SHPK: variants seen among roughly 807,000 people sequenced by gnomAD.
The protein encoded by SHPK is carbohydrate kinase-like protein.
SHPK carries 51 observed loss-of-function variants against 46.3 expected under a neutral mutation model. The ratio of observed to expected loss-of-function variants is 1.10; its 90% CI spans 0.88 to 1.39. The LOEUF (loss-of-function observed/expected upper bound fraction) is 1.39. Among genes scored for constraint, SHPK ranks in the 40% most tolerant of loss-of-function variants. The pLI is 0.00. For missense variants in SHPK, 668 were observed against 641.3 expected, an observed-to-expected ratio of 1.04 and a Z score of -0.45; for synonymous variants, 290 against 273.9, an observed-to-expected ratio of 1.06 and a Z score of -0.58.
chr17:3,633,192 G>A (rs1347547803), intron 1 of SHPK, among the ~76,000 whole-genome samples: 3 of 151,590 alleles, frequency 2.0e-5, no homozygotes, highest in South Asian at 2.1e-4. Flanking sequence ...TGTTGGCCAG[G>A]CTGGTCTCGA....
chr17:3,627,019 G>A (rs780907992), intron 2 of SHPK, among the ~76,000 whole-genome samples: 7 of 152,224 alleles, frequency 4.6e-5, no homozygotes, highest in East Asian at 1.9e-4. Flanking sequence ...GTTTTCATCC[G>A]CACAGCTCTA....
intron 2 of SHPK, among the ~76,000 whole-genome samples, chr17:3,628,018 G>A (rs867269942): frequency 6.6e-6 from 1 of 151,838 alleles, no homozygotes. Flanking sequence ...GCCTGCATCA[G>A]CTCCTACGAT....
rs757812433 is a variant in SHPK at position 3,610,545 on chromosome 17, G to GA, written c.*14dup. The GA allele has an allele frequency of 6.3e-6, 10 of 1,582,332 alleles. No homozygotes were observed. The highest frequency in any genetic ancestry group is 4.5e-5 in the East Asian group (2 of 44,242). Reference sequence around the variant, plus strand: ...GTAAAATTCACAGCAGTCGTTTGGCGAAAGAGTTTGCTGTCTAAGATTCCT... The same window carrying GA: ...GTAAAATTCACAGCAGTCGTTTGGCGAAAAGAGTTTGCTGTCTAAGATTCCT... On this transcript the variant is annotated 3_prime_UTR_variant, in exon 7 of 7. Transcript: ENST00000225519.
At position 3,623,470 on chromosome 17, in the gene SHPK, G is replaced by A. The variant is rs538187992; in HGVS notation, c.516C>T (p.Tyr172=). Residue 172 remains tyrosine (Y), a synonymous_variant, in exon 4 of 7, where the codon TAC becomes TAT. Transcript: ENST00000225519. Reference sequence around the variant, plus strand: ...AGTCGTGGATGGTACCGGCTGCGTCGTAGGACTTCAGGAACTCTGGGCTGT... The same window carrying A: ...AGTCGTGGATGGTACCGGCTGCGTCATAGGACTTCAGGAACTCTGGGCTGT... ...LKYRPEFLKS[Y]DAAGTIHDYV... 4.3e-5 allele frequency: 70 copies of A among 1,614,126 alleles called. No individual in the cohort carries two copies. The highest frequency in any genetic ancestry group is 5.5e-5 in the Non-Finnish European group (65 of 1,179,978).
intron 1 of SHPK, among the ~76,000 whole-genome samples, chr17:3,635,426 G>A (rs1312227636): frequency 2.6e-5 from 4 of 152,004 alleles, no homozygotes; most frequent in East Asian, 3.9e-4. Context: ...TAGTACAGAC[G>A]GGGTTTCACC....
rs1199257314 is a variant in SHPK at position 3,608,857 on chromosome 17, G to A, written c.*1703C>T. 6.6e-6 allele frequency: 1 copy of A among 152,236 alleles called. No homozygotes were observed. The highest frequency in any genetic ancestry group is 1.5e-5 in the Non-Finnish European group (1 of 68,044). The allele number at this position is 152,236 out of a possible 1,614,324, so 9.4% of individuals were successfully genotyped here. The stretch of plus-strand genomic sequence containing the variant: ...CACAGTCTTCCCACAGCAGAGAGGT[G>A]TGTTTTATTTAAGGCACAAGACTCT... On this transcript the variant is annotated 3_prime_UTR_variant, in exon 7 of 7. Coordinates refer to ENST00000225519, the MANE Select transcript of SHPK (RefSeq NM_013276.4).
At chr17:3,614,793 A>G (rs1406660534) in intron 6 of SHPK, among the ~76,000 whole-genome samples, 4 of 150,844 alleles carry the variant, frequency 2.7e-5, no homozygotes, top group African/African-American at 9.8e-5. Context: ...GTTTGCAGTG[A>G]GCCGAGATCG....
chr17:3,621,470 G>A, intron 4 of SHPK, 58 bp from the exon 5 acceptor site: 2 of 1,516,684 alleles, frequency 1.3e-6, no homozygotes, highest in Non-Finnish European at 1.8e-6. Context: ...GGAATTTAAG[G>A]GATCCTTCCT....
intron 2 of SHPK, 127 bp downstream of exon 2, chr17:3,630,078 C>T (rs1446879575): frequency 3.3e-6 from 4 of 1,227,106 alleles, no homozygotes; most frequent in African/African-American, 1.5e-5. Flanking sequence ...TATTCGTCCA[C>T]TCCAAGAAAC....
At chr17:3,635,236 A>AGGAAGGGAAGGAAGGAAG (rs1555556002) in intron 1 of SHPK, among the ~76,000 whole-genome samples, 65 of 132,480 alleles carry the variant, frequency 4.9e-4, no homozygotes, top group African/African-American at 1.7e-3. Flanking sequence ...GAAGGAAGGA[A>AGGAAGGGAAGGAAGGAAG]GGAAGGAAGG....
chr17:3,615,459 G>C lies in SHPK; in HGVS notation c.902C>G (p.Thr301Arg). The change falls in exon 6 of 7, where the codon ACG (threonine) becomes AGG (arginine). Residue 301 changes from threonine (T) to arginine (R), a missense_variant. Transcript: ENST00000225519. Reference protein sequence around the residue: ...GFQPAQTPDPTAPVAYFPYFN... With the variant: ...GFQPAQTPDPRAPVAYFPYFN... ...GTATGGGAAGTAGGCGACTGGGGCC[G>C]TAGGGTCTGGAGTCTGTGCAGGCTG... The C allele has an allele frequency of 6.2e-7, 1 of 1,614,150 alleles. No homozygotes were observed. The highest frequency in any genetic ancestry group is 8.5e-7 in the Non-Finnish European group (1 of 1,180,000).
Position 3,624,120 on chromosome 17 carries a change from G to A in SHPK, c.422C>T (p.Pro141Leu). The A allele has an allele frequency of 6.2e-7, 1 of 1,614,160 alleles. No homozygotes were observed. The highest frequency in any genetic ancestry group is 1.1e-5 in the South Asian group (1 of 91,086). ...CACACTGAGATGAGACTTCGGCTGG[G>A]GCAGAGAGGCCAGGAATTCGCTGCT... is the stretch of plus-strand genomic sequence containing the variant. Reference protein sequence around the residue: ...RCSSEFLASLPQPKSHLSVAT... With the variant: ...RCSSEFLASLLQPKSHLSVAT... The change falls in exon 3 of 7, where the codon CCC (proline) becomes CTC (leucine). Residue 141 changes from proline (P) to leucine (L), a missense_variant. Coordinates refer to ENST00000225519, the MANE Select transcript of SHPK (RefSeq NM_013276.4).
rs1385375557 is a variant in SHPK, at chr17:3,610,491, C to G, written c.*69G>C. 4 of 1,478,238 alleles carry G rather than the reference C, an allele frequency of 2.7e-6. No homozygotes were observed. Among genetic ancestry groups the G allele is most frequent in the African/African-American group, 1.4e-5 (1 of 72,454 alleles). 91.6% of individuals were successfully genotyped at this position (1,478,238 alleles called of 1,614,324 possible). ...CTGAACGGTCCAGGGAAAGGATGACCCACAGATGGTGTCAGGAATGTTAAT... is the reference window on the plus strand; with the variant it reads ...CTGAACGGTCCAGGGAAAGGATGACGCACAGATGGTGTCAGGAATGTTAAT... On this transcript the variant is annotated 3_prime_UTR_variant, in exon 7 of 7. Coordinates refer to ENST00000225519, the MANE Select transcript of SHPK (RefSeq NM_013276.4).
At chr17:3,617,570 A>G (rs935081374) in intron 5 of SHPK, among the ~76,000 whole-genome samples, 1 of 152,214 alleles carries the variant, frequency 6.6e-6, no homozygotes, top group Non-Finnish European at 1.5e-5. Context: ...CTGAGACTCC[A>G]TCTCAGAACA....
At chr17:3,621,569 CCCTCCCTTCCTTT>C (rs2075402325) in intron 4 of SHPK, among the ~76,000 whole-genome samples, 157 bp from the exon 5 acceptor site, 2 of 146,368 alleles carry the variant, frequency 1.4e-5, no homozygotes, top group South Asian at 4.4e-4. Context: ...TTCCCTCTTT[CCCTCCCTTCCTTT>C]CCTCCTTCTC....
intron 5 of SHPK, chr17:3,619,763 G>T: frequency 4.9e-6 from 2 of 409,990 alleles, no homozygotes; most frequent in South Asian, 1.9e-5. Context: ...GAAGAAGAAT[G>T]ATTTGTAGAT....
intron 6 of SHPK, among the ~76,000 whole-genome samples, chr17:3,611,187 T>A (rs764751548): frequency 1.3e-5 from 2 of 152,180 alleles, no homozygotes; most frequent in Non-Finnish European, 2.9e-5. Context: ...CAGCCAGACA[T>A]CAGGGTGAGG....
intron 6 of SHPK, among the ~76,000 whole-genome samples, chr17:3,612,822 G>A (rs1488129012): frequency 6.6e-6 from 1 of 151,206 alleles, no homozygotes; most frequent in Non-Finnish European, 1.5e-5. Flanking sequence ...CGCGATCTCG[G>A]CTCACTGCAA....
chr17:3,617,200 G>A (rs910871122), intron 5 of SHPK, among the ~76,000 whole-genome samples: 6 of 152,194 alleles, frequency 3.9e-5, no homozygotes, highest in African/African-American at 1.4e-4. Flanking sequence ...ATCTGGTGTC[G>A]TAAGTGGGAT....
Sources: allele counts gnomAD v4.1 joint callset (sites outside exome capture counted in the v4.1 genomes callset), GRCh38; gene constraint gnomAD v4.1.1; transcripts MANE v1.5; gene names NCBI Gene and HGNC (gene_info 2026-07-23, HGNC 2026-07-21).